TRIOBP: variants seen among roughly 807,000 people sequenced by gnomAD.
TRIOBP encodes the protein TRIO and F-actin binding protein, also known as TRIO and F-actin-binding protein.
In TRIOBP, 169 loss-of-function variants were observed where a neutral mutation model predicts 238.8. The ratio of observed to expected loss-of-function variants is 0.71; its 90% CI spans 0.62 to 0.80. TRIOBP has a LOEUF of 0.80. Ranked by LOEUF, TRIOBP falls within the 30% of genes least tolerant of loss-of-function variation. The pLI is 0.00. For missense variants in TRIOBP, 2,838 were observed against 3,122.6 expected (o/e 0.91, Z 2.17); for synonymous variants, 1,150 against 1,274.4 (o/e 0.90, Z 2.08).
At chr22:37,752,108 G>A (rs1925643753) in intron 12 of TRIOBP, among the ~76,000 whole-genome samples, 1 of 152,176 alleles carries the variant, frequency 6.6e-6, no homozygotes, top group African/African-American at 2.4e-5. Flanking sequence ...GCCTGGGTGG[G>A]AGTCAAGGGT....
intron 11 of TRIOBP, among the ~76,000 whole-genome samples, chr22:37,741,698 C>T (rs557943130): frequency 6.6e-6 from 1 of 152,320 alleles, no homozygotes; most frequent in East Asian, 1.9e-4. Context: ...GCCCATTTTA[C>T]AGATGAAGGG....
chr22:37,711,603 A>C (rs7289575), intron 4 of TRIOBP, among the ~76,000 whole-genome samples: 2 of 86,282 alleles, frequency 2.3e-5, no homozygotes, highest in African/African-American at 6.6e-5. Context: ...CAACAAAAAA[A>C]AAAAACAAAA....
chr22:37,730,076 G>A (rs1924351453), intron 7 of TRIOBP, among the ~76,000 whole-genome samples: 1 of 152,096 alleles, frequency 6.6e-6, no homozygotes, highest in African/African-American at 2.4e-5. Context: ...GATGCCTTTG[G>A]CATCTCTTAG....
In TRIOBP at chr22:37,723,090, G is replaced by A. The variant is rs1323744141; in HGVS notation, c.629-95G>A. 21 of 1,280,486 alleles carry A rather than the reference G, an allele frequency of 1.6e-5. No individual in the cohort carries two copies. In the Admixed American group the frequency reaches 3.9e-4, roughly 24 times the overall value. The allele number at this position is 1,280,486 out of a possible 1,614,324, so 79.3% of individuals were successfully genotyped here. ...CCTGTAGGAGGAGGGTGTGGGGTTT[G>A]CCCTAATCACTGGTCCTAAGGGACA... On this transcript the variant is annotated intron_variant, in intron 6 of 23. Transcript: ENST00000644935.
rs1924049962 is a variant in TRIOBP at position 37,724,951 on chromosome 22, G to A, written c.2395G>A (p.Asp799Asn). 1.2e-6 allele frequency: 2 copies of A among 1,613,688 alleles called. No homozygotes were observed. The highest frequency in any genetic ancestry group is 1.7e-6 in the Non-Finnish European group (2 of 1,179,956). Residue 799 changes from aspartate to asparagine, a missense_variant, in exon 7 of 24, where the codon GAC becomes AAC. Asp to Asn is a conservative substitution (Grantham distance 23). Coordinates refer to ENST00000644935, the MANE Select transcript of TRIOBP (RefSeq NM_001039141.3). ...DNPRTSCAQRDNLRASSPIRA... is the reference protein window; with the variant it reads ...DNPRTSCAQRNNLRASSPIRA... ...CCCCAGAACATCCTGTGCCCAGCGG[G>A]ACAATCTCAGAGCCTCCTCTCCCAT...
At chr22:37,713,555 G>C in intron 5 of TRIOBP, 144 bp downstream of exon 5, 1 of 1,046,584 alleles carries the variant, frequency 9.6e-7, no homozygotes, top group South Asian at 1.3e-5. Flanking sequence ...CTGGCAGCTC[G>C]GGCCACCCCG....
In TRIOBP at chr22:37,759,537, C is replaced by T. The variant is rs185082233; in HGVS notation, c.6324+273C>T. ...CAAAGGTGGGATTTGAGCGAGGGTC[C>T]GGCTGACTGCAGAGCCTGTGTGTGA... On this transcript the variant is annotated intron_variant, in intron 17 of 23. Transcript: ENST00000644935. 109 of 1,602,544 alleles carry T rather than the reference C, an allele frequency of 6.8e-5. No homozygotes were observed. In the Admixed American group the frequency reaches 7.2e-4, roughly 11 times the overall value.
intron 6 of TRIOBP, among the ~76,000 whole-genome samples, chr22:37,717,189 C>T (rs181640256): frequency 1.2e-3 from 190 of 152,188 alleles, no homozygotes; most frequent in African/African-American, 4.1e-3. Flanking sequence ...TAAGGAGACG[C>T]GTCCGCAGTT....
At chr22:37,717,492 T>A (rs1194663211) in intron 6 of TRIOBP, among the ~76,000 whole-genome samples, 2 of 152,116 alleles carry the variant, frequency 1.3e-5, no homozygotes, top group Non-Finnish European at 2.9e-5. Flanking sequence ...AGGGCGCTGA[T>A]TGGTGCATTT....
In TRIOBP at chr22:37,725,690, G is replaced by A; in HGVS notation, c.3134G>A (p.Arg1045His). The A allele has an allele frequency of 2.6e-6, 4 of 1,546,394 alleles. No homozygotes were observed. Among genetic ancestry groups the A allele is most frequent in the East Asian group, 4.6e-5 (2 of 43,226 alleles). The change falls in exon 7 of 24, where the codon CGC becomes CAC. Residue 1045 changes from arginine (R) to histidine (H), a missense_variant. By Grantham distance (29) the Arg-to-His change is conservative. Transcript: ENST00000644935. Reference sequence around the variant, plus strand: ...CCCTTCCCCTTCTTCCCAGAGCCCCGCGCCCCTGAGAGTGAACCGCCCCAC... The same window carrying A: ...CCCTTCCCCTTCTTCCCAGAGCCCCACGCCCCTGAGAGTGAACCGCCCCAC... ...HDPFPFFPEP[R>H]APESEPPHHE...
intron 5 of TRIOBP, among the ~76,000 whole-genome samples, 188 bp from the exon 6 acceptor site, chr22:37,715,567 TCTCCTGAC>T (rs909081222): frequency 6.6e-6 from 1 of 151,280 alleles, no homozygotes; most frequent in Non-Finnish European, 1.5e-5. Flanking sequence ...ATGGTCTCGA[TCTCCTGAC>T]CTCGTGATCC....
chr22:37,733,237 G>A lies in TRIOBP; in HGVS notation c.3948-61G>A, dbSNP rs562478384. ...TCTCCTCCTGTTGGAGGTGGGAGCAGAGGGGCTGGGGTGCTGGGAGTGGGA... is the reference window on the plus strand; with the variant it reads ...TCTCCTCCTGTTGGAGGTGGGAGCAAAGGGGCTGGGGTGCTGGGAGTGGGA... On this transcript the variant is annotated intron_variant, in intron 7 of 23. Transcript: ENST00000644935. 37 of 1,340,652 alleles carry A rather than the reference G, an allele frequency of 2.8e-5. 1 individual carries two copies. The highest frequency in any genetic ancestry group is 2.0e-4 in the African/African-American group (14 of 69,422). The allele number at this position is 1,340,652 out of a possible 1,614,324, so 83.0% of individuals were successfully genotyped here.
At chr22:37,755,753 C>A in intron 15 of TRIOBP, 94 bp downstream of exon 15, 1 of 1,021,106 alleles carries the variant, frequency 9.8e-7, no homozygotes, top group Admixed American at 1.9e-5. Flanking sequence ...CTGCACCTTT[C>A]TGGGCCCTCG....
chr22:37,730,878 C>G (rs1022241180), intron 7 of TRIOBP, among the ~76,000 whole-genome samples: 2 of 145,798 alleles, frequency 1.4e-5, no homozygotes, highest in African/African-American at 5.1e-5. Flanking sequence ...AACCAGAAGG[C>G]GGAGGTTGCA....
chr22:37,754,841 AC>A (rs762499223), intron 12 of TRIOBP, 35 bp from the exon 13 acceptor site: 1 of 1,604,828 alleles, frequency 6.2e-7, no homozygotes, highest in Non-Finnish European at 8.5e-7. Flanking sequence ...CTGTACAATC[AC>A]ACACACTGGC....
chr22:37,727,976 A>C (rs930053494), intron 7 of TRIOBP, among the ~76,000 whole-genome samples: 2 of 152,244 alleles, frequency 1.3e-5, no homozygotes, highest in African/African-American at 4.8e-5. Context: ...TTCCATGTAT[A>C]TAATTCAACG....
chr22:37,758,176 C>G, intron 16 of TRIOBP, 38 bp downstream of exon 16: 8 of 1,607,592 alleles, frequency 5.0e-6, no homozygotes, highest in African/African-American at 1.3e-5. Context: ...GGCCCCTTGC[C>G]CCAGCGCCCC....
In TRIOBP at chr22:37,713,691, G is replaced by T. The variant is rs5756792; in HGVS notation, c.456+280G>T. Among the ~76,000 whole-genome samples, 117 of 152,322 alleles carry T rather than the reference G, an allele frequency of 7.7e-4. 1 individual carries two copies. In the East Asian group the frequency reaches 0.022, roughly 29 times the overall value. On this transcript the variant is annotated intron_variant, in intron 5 of 23. Coordinates refer to ENST00000644935, the MANE Select transcript of TRIOBP (RefSeq NM_001039141.3). ...CTGGGTGAATCACCAGCAGGCTCGG[G>T]CTGCCACATGCTCTCAGATCCCAGA...
At chr22:37,765,491 G>A (rs560820328) in intron 17 of TRIOBP, among the ~76,000 whole-genome samples, 179 bp from the exon 18 acceptor site, 2 of 151,712 alleles carry the variant, frequency 1.3e-5, no homozygotes, top group Admixed American at 6.6e-5. Flanking sequence ...GACAAGGTGA[G>A]GTTTGTGAAT....
Sources: allele counts gnomAD v4.1 joint callset (sites outside exome capture counted in the v4.1 genomes callset), GRCh38; gene constraint gnomAD v4.1.1; transcripts MANE v1.5; gene names NCBI Gene and HGNC (gene_info 2026-07-23, HGNC 2026-07-21).